VEZF1: variants seen among roughly 807,000 people sequenced by gnomAD.
The protein encoded by VEZF1 is putative transcription factor DB1.
Under a neutral mutation model 44.1 loss-of-function variants are expected in VEZF1, and 5 were observed. That is an observed-to-expected ratio of 0.11 (90% CI 0.06 to 0.24). The LOEUF (loss-of-function observed/expected upper bound fraction) is 0.24, where lower values mean the gene tolerates loss of function less well. Ranked by LOEUF, VEZF1 falls within the 10% of genes least tolerant of loss-of-function variation. The pLI is 1.00. For synonymous variants in VEZF1, 236 were observed against 233.1 expected (o/e 1.01, Z -0.11); for missense variants, 358 against 641.8 (o/e 0.56, Z 4.78).
In VEZF1 at chr17:57,983,352, G is replaced by A; in HGVS notation, c.75C>T (p.Asn25=). ...CAGAGCTCAGGAGGGGCAGCAAGCT[G>A]TTCTGTGCTGCCTGCTGTTGGTGAT... ...ASHHQQQAAQ[N]SLLPLLSSAV... Residue 25 remains asparagine, a synonymous_variant, in exon 2 of 6, where the codon AAC becomes AAT. Coordinates refer to ENST00000581208, the MANE Select transcript of VEZF1 (RefSeq NM_007146.3). 6.2e-7 allele frequency: 1 copy of A among 1,613,682 alleles called. No homozygotes were observed. The highest frequency in any genetic ancestry group is 8.5e-7 in the Non-Finnish European group (1 of 1,179,952).
chr17:57,983,899 T>C (rs2075273190), intron 1 of VEZF1, among the ~76,000 whole-genome samples: 2 of 152,218 alleles, frequency 1.3e-5, no homozygotes, highest in African/African-American at 2.4e-5. Flanking sequence ...GAAGGGGCTG[T>C]TGCTAAGTGA....
chr17:57,987,609 C>T (rs1250794058), intron 1 of VEZF1, among the ~76,000 whole-genome samples: 1 of 151,976 alleles, frequency 6.6e-6, no homozygotes, highest in African/African-American at 2.4e-5. Flanking sequence ...AGAGAACAAG[C>T]GAAAGATGGA....
intron 1 of VEZF1, chr17:57,985,191 C>G: frequency 9.5e-7 from 1 of 1,049,160 alleles, no homozygotes. Flanking sequence ...AGACTTATAG[C>G]ATTTAGAGGC....
rs2075264034 is a variant in VEZF1, at chr17:57,982,990, G to A, written c.437C>T (p.Thr146Ile). The change falls in exon 2 of 6, where the codon ACC becomes ATC. Residue 146 changes from threonine to isoleucine, a missense_variant. Physicochemically the swap from Thr to Ile is moderately conservative, Grantham distance 89 (BLOSUM62 -1). This residue lies in a region of VEZF1 where 117 missense variants were observed against 207.2 expected (regional missense o/e 0.56). Transcript: ENST00000581208. ...GGTGCTGGCACTGCTACTGGGGTTG[G>A]TGCCCGAGGAAGATGTAGTGACTGT... ...LSTVTTSSSG[T>I]NPSSSASTTA... 1.9e-6 allele frequency: 3 copies of A among 1,614,158 alleles called. No individual in the cohort carries two copies. Among genetic ancestry groups the A allele is most frequent in the Non-Finnish European group, 2.5e-6 (3 of 1,180,038 alleles).
chr17:57,979,153 T>G lies in VEZF1; in HGVS notation c.1137A>C (p.Lys379Asn). 1 of 1,612,580 alleles carries G rather than the reference T, an allele frequency of 6.2e-7. No individual in the cohort carries two copies. The highest frequency in any genetic ancestry group is 1.3e-5 in the African/African-American group (1 of 74,996). Residue 379 changes from lysine to asparagine, a missense_variant and splice_region_variant, in exon 5 of 6, where the codon AAA (lysine) becomes AAC (asparagine). Physicochemically the swap from Lys to Asn is moderately conservative, Grantham distance 94. Coordinates refer to ENST00000581208, the MANE Select transcript of VEZF1 (RefSeq NM_007146.3). ...TCAACACTGGAAGCTGTGCCTTACCTTTCTTCCTTGCTTTAACAGCTTCTT... is the reference window on the plus strand; with the variant it reads ...TCAACACTGGAAGCTGTGCCTTACCGTTCTTCCTTGCTTTAACAGCTTCTT... Reference protein sequence around the residue: ...LWEEAVKARKKEAANLCQTST... With the variant: ...LWEEAVKARKNEAANLCQTST...
intron 1 of VEZF1, among the ~76,000 whole-genome samples, chr17:57,986,812 C>T (rs1199417295): frequency 1.3e-5 from 2 of 152,146 alleles, no homozygotes; most frequent in Non-Finnish European, 2.9e-5. Context: ...CTGTTAGTTT[C>T]AAAAGGTATC....
In VEZF1 at chr17:57,973,899, T is replaced by A. The variant is rs1341931413; in HGVS notation, c.*574A>T. 1.9e-5 allele frequency: 3 copies of A among 158,452 alleles called. No individual in the cohort carries two copies. The highest frequency in any genetic ancestry group is 7.2e-5 in the African/African-American group (3 of 41,480). 9.8% of individuals were successfully genotyped at this position (158,452 alleles called of 1,614,324 possible). A position where few individuals can be genotyped will look rare whatever the true frequency, so the allele number is the denominator to read the frequency against. On this transcript the variant is annotated 3_prime_UTR_variant, in exon 6 of 6. Coordinates refer to ENST00000581208, the MANE Select transcript of VEZF1 (RefSeq NM_007146.3). ...CATATGCTTTGCATATCAGAGCTGG[T>A]ATCACCTTTCCCATAGGGAATGCTG...
At chr17:57,976,072 GGT>G (rs975312922) in intron 5 of VEZF1, among the ~76,000 whole-genome samples, 6 of 152,096 alleles carry the variant, frequency 3.9e-5, no homozygotes, top group African/African-American at 1.2e-4. Context: ...CTGGGATTAA[GGT>G]GTGAGCCAGG....
chr17:57,978,518 G>A (rs1262538884), intron 5 of VEZF1, among the ~76,000 whole-genome samples: 3 of 152,112 alleles, frequency 2.0e-5, no homozygotes, highest in Non-Finnish European at 2.9e-5. Context: ...CAACTGATTC[G>A]TTAGAAAATA....
In VEZF1 at chr17:57,984,368, A is replaced by G. The variant is rs1472482892; in HGVS notation, c.34-975T>C. Among the ~76,000 whole-genome samples, 15 of 152,350 alleles carry G rather than the reference A, an allele frequency of 9.8e-5. No homozygotes were observed. In the East Asian group the frequency reaches 2.5e-3, roughly 25 times the overall value. ...ATGAGTAGTTACTCTCTTGGTTCTGATACTTTCAAAATTCTCCATACTGAT... is the reference window on the plus strand; with the variant it reads ...ATGAGTAGTTACTCTCTTGGTTCTGGTACTTTCAAAATTCTCCATACTGAT... On this transcript the variant is annotated intron_variant, in intron 1 of 5. Coordinates refer to ENST00000581208, the MANE Select transcript of VEZF1 (RefSeq NM_007146.3).
Position 57,972,605 on chromosome 17 carries a change from A to C in VEZF1, c.*1868T>G, listed in dbSNP as rs1003078792. The C allele has an allele frequency of 1.3e-5, 2 of 152,620 alleles. No individual in the cohort carries two copies. The highest frequency in any genetic ancestry group is 4.8e-5 in the African/African-American group (2 of 41,450). The allele number at this position is 152,620 out of a possible 1,614,324, so 9.5% of individuals were successfully genotyped here. A position where few individuals can be genotyped will look rare whatever the true frequency, so the allele number is the denominator to read the frequency against. On this transcript the variant is annotated 3_prime_UTR_variant, in exon 6 of 6. Coordinates refer to ENST00000581208, the MANE Select transcript of VEZF1 (RefSeq NM_007146.3). ...TACATTTTGTTTATTGAGACAAACT[A>C]ATTAAAAGGCACAAACATAGGGCAT...
intron 1 of VEZF1, among the ~76,000 whole-genome samples, chr17:57,984,476 C>G (rs2075277871): frequency 6.6e-6 from 1 of 152,184 alleles, no homozygotes; most frequent in Non-Finnish European, 1.5e-5. Context: ...TTTTGAAACT[C>G]TTGACAGTGA....
rs1264350945 is a variant in VEZF1 at position 57,981,858 on chromosome 17, C to A, written c.792+15G>T. On this transcript the variant is annotated intron_variant, in intron 3 of 5. Coordinates refer to ENST00000581208, the MANE Select transcript of VEZF1 (RefSeq NM_007146.3). ...ATTAAGTGCTACACTAAGGATAAGT[C>A]ATTTTAACTCTTACTTGGCATTTGA... is the stretch of plus-strand genomic sequence containing the variant. 1.6e-5 allele frequency: 25 copies of A among 1,612,052 alleles called. No homozygotes were observed. The highest frequency in any genetic ancestry group is 2.0e-5 in the Non-Finnish European group (24 of 1,178,246).
At chr17:57,986,360 C>T (rs943206983) in intron 1 of VEZF1, among the ~76,000 whole-genome samples, 1 of 151,816 alleles carries the variant, frequency 6.6e-6, no homozygotes, top group Non-Finnish European at 1.5e-5. Flanking sequence ...TTTTTAATCA[C>T]ACGAAAATCA....
chr17:57,975,104 A>G (rs1036963744), intron 5 of VEZF1, among the ~76,000 whole-genome samples: 10 of 152,216 alleles, frequency 6.6e-5, no homozygotes, highest in African/African-American at 2.4e-4. Flanking sequence ...TCACCTTCTG[A>G]TGCTATACCT....
chr17:57,977,537 C>T (rs2075203763), intron 5 of VEZF1, among the ~76,000 whole-genome samples: 1 of 152,130 alleles, frequency 6.6e-6, no homozygotes, highest in South Asian at 2.1e-4. Flanking sequence ...TCTTCCAATG[C>T]CAGTAAATGT....
At chr17:57,986,906 T>C (rs1195829218) in intron 1 of VEZF1, among the ~76,000 whole-genome samples, 1 of 152,144 alleles carries the variant, frequency 6.6e-6, no homozygotes, top group Non-Finnish European at 1.5e-5. Context: ...CACTTAAAAG[T>C]GACGAGCTTC....
intron 1 of VEZF1, among the ~76,000 whole-genome samples, chr17:57,987,862 C>T (rs1397209675): frequency 6.6e-6 from 1 of 151,748 alleles, no homozygotes; most frequent in East Asian, 2.0e-4. Flanking sequence ...CGGGTTCACC[C>T]CGCGGCCTGC....
chr17:57,985,389 T>C, intron 1 of VEZF1: 1 of 1,228,020 alleles, frequency 8.1e-7, no homozygotes, highest in Non-Finnish European at 1.0e-6. Flanking sequence ...CAGGAATCAC[T>C]CTCTGAGGAT....
Sources: gnomAD v4.1 joint callset for allele counts (sites outside exome capture counted in the v4.1 genomes callset) on GRCh38, gnomAD v4.1.1 for gene constraint, gnomAD v4.1.1 regional missense constraint, MANE v1.5 for transcripts, NCBI Gene and HGNC (gene_info 2026-07-23, HGNC 2026-07-21) for gene names.